Variants in NBN observed in about 807,000 individuals in gnomAD.
The protein encoded by NBN is Nijmegen breakage syndrome 1 (nibrin).
A neutral mutation model predicts 90.8 loss-of-function variants in NBN; 88 were observed. The observed-to-expected ratio is 0.97, with a 90% CI of 0.82 to 1.16. The LOEUF is 1.16. Ranked by LOEUF, NBN falls within the 50% of genes most tolerant of loss-of-function variation. The pLI, the probability that NBN is intolerant of heterozygous loss-of-function variation, is 0.00. For synonymous variants in NBN, 328 were observed against 295.1 expected (o/e 1.11, Z -1.14); for missense variants, 894 against 869.6 (o/e 1.03, Z -0.35).
intron 13 of NBN, among the ~76,000 whole-genome samples, chr8:89,944,088 G>GT (rs1224194744): frequency 6.6e-6 from 1 of 151,756 alleles, no homozygotes; most frequent in Non-Finnish European, 1.5e-5. Context: ...GATTTGGAGG[G>GT]TTTTTTGTTT....
chr8:89,946,194 T>C lies in NBN; in HGVS notation c.2016A>G (p.Pro672=), dbSNP rs1061302. The change falls in exon 13 of 16, where the codon CCA becomes CCG. Residue 672 remains proline, a synonymous_variant. Coordinates refer to ENST00000265433, the MANE Select transcript of NBN (RefSeq NM_002485.5). ...LVIKNSTSRN[P]SGINDDYGQL... is the part of the protein sequence containing the mutation. ...GACCATAATCATCATTTATGCCAGATGGATTTCTGGAAGTAGAGTTTTTAA... is the reference window on the plus strand; with the variant it reads ...GACCATAATCATCATTTATGCCAGACGGATTTCTGGAAGTAGAGTTTTTAA... 525,146 of 1,596,714 alleles carry C rather than the reference T, an allele frequency of 0.33. 88,581 individuals carry two copies. Among genetic ancestry groups the C allele is most frequent in the East Asian group, 0.48 (21,201 of 44,560 alleles).
At chr8:89,954,914 A>C (rs1810624488) in intron 10 of NBN, among the ~76,000 whole-genome samples, 1 of 152,176 alleles carries the variant, frequency 6.6e-6, no homozygotes, top group Admixed American at 6.5e-5. Flanking sequence ...GGGATGATCA[A>C]TATATTCAAA....
chr8:89,953,664 C>T lies in NBN; in HGVS notation c.1425G>A (p.Met475Ile), dbSNP rs1180796619. Reference sequence around the variant, plus strand: ...CTATTCTTGCTGATTTGCATGAAGACATTTCTTGATTTTCTTCATCCCTTT... The same window carrying T: ...CTATTCTTGCTGATTTGCATGAAGATATTTCTTGATTTTCTTCATCCCTTT... ...KRERDEENQE[M>I]SSCKSARIET... The change falls in exon 11 of 16, where the codon ATG becomes ATA. Residue 475 changes from methionine (M) to isoleucine (I), a missense_variant. Met to Ile is a conservative substitution (Grantham distance 10). Transcript: ENST00000265433. 1.2e-6 allele frequency: 2 copies of T among 1,611,514 alleles called. No homozygotes were observed. The highest frequency in any genetic ancestry group is 1.1e-5 in the South Asian group (1 of 90,788).
In NBN at chr8:89,971,262, T is replaced by A; in HGVS notation, c.613A>T (p.Ile205Phe). ...GACAGATCAACATTTTTACTTCCAA[T>A]AGATGGTTCATCAAGAGGTGGGTAA... ...SFYPPLDEPS[I>F]GSKNVDLSGR... The change falls in exon 6 of 16, where the codon ATT (isoleucine) becomes TTT (phenylalanine). Residue 205 changes from isoleucine (I) to phenylalanine (F), a missense_variant. Coordinates refer to ENST00000265433, the MANE Select transcript of NBN (RefSeq NM_002485.5). 6.2e-7 allele frequency: 1 copy of A among 1,613,038 alleles called. No individual in the cohort carries two copies. The highest frequency in any genetic ancestry group is 8.5e-7 in the Non-Finnish European group (1 of 1,179,360).
chr8:89,951,975 T>A (rs1404005782), intron 11 of NBN, among the ~76,000 whole-genome samples: 1 of 152,214 alleles, frequency 6.6e-6, no homozygotes, highest in Non-Finnish European at 1.5e-5. Context: ...AAGTTGGGTT[T>A]CTGAGAAAGC....
At chr8:89,984,300 G>A in intron 1 of NBN, 2 of 610,560 alleles carry the variant, frequency 3.3e-6, no homozygotes, top group Admixed American at 2.7e-5. Context: ...ACTGCCACCA[G>A]GGGGCGCCGC....
At chr8:89,957,247 C>G (rs532171738) in intron 9 of NBN, among the ~76,000 whole-genome samples, 1 of 152,134 alleles carries the variant, frequency 6.6e-6, no homozygotes, top group Non-Finnish European at 1.5e-5. Context: ...GCAATGACTG[C>G]GATGATCCTA....
intron 8 of NBN, among the ~76,000 whole-genome samples, chr8:89,959,320 T>C (rs1810883364): frequency 6.6e-6 from 1 of 152,198 alleles, no homozygotes; most frequent in Admixed American, 6.5e-5. Flanking sequence ...CAGAAAACCA[T>C]AATGATTACC....
intron 5 of NBN, among the ~76,000 whole-genome samples, chr8:89,976,016 C>G (rs773740124): frequency 6.6e-6 from 1 of 151,338 alleles, no homozygotes; most frequent in Non-Finnish European, 1.5e-5. Context: ...CTTTCAACTT[C>G]TTTTTTTTTG....
At chr8:89,982,911 A>T in intron 1 of NBN, 56 bp from the exon 2 acceptor site, 6 of 1,524,478 alleles carry the variant, frequency 3.9e-6, no homozygotes, top group Non-Finnish European at 5.4e-6. Context: ...ACACATGTAC[A>T]CGAACACACA....
chr8:89,955,254 A>C, intron 10 of NBN, 29 bp downstream of exon 10: 6 of 1,603,144 alleles, frequency 3.7e-6, no homozygotes, highest in Non-Finnish European at 5.1e-6. Context: ...TTTTTTTCAG[A>C]GACATGAGAG....
chr8:89,982,550 C>T, intron 2 of NBN, 172 bp downstream of exon 2: 1 of 625,394 alleles, frequency 1.6e-6, no homozygotes, highest in East Asian at 2.8e-5. Context: ...GAACAAATAC[C>T]ACTGGTACCA....
At position 89,935,097 on chromosome 8, in the gene NBN, T is replaced by C. The variant is rs886063165; in HGVS notation, c.*485A>G. The C allele has an allele frequency of 3.0e-5, 7 of 234,018 alleles. No homozygotes were observed. The highest frequency in any genetic ancestry group is 2.2e-5 in the African/African-American group (1 of 45,338). 14.5% of individuals were successfully genotyped at this position (234,018 alleles called of 1,614,324 possible). ...AAACATTATATTGATATTCCTATAA[T>C]TTTTAATCTACTAAGTAAAAAAGCA... On this transcript the variant is annotated 3_prime_UTR_variant, in exon 16 of 16. Coordinates refer to ENST00000265433, the MANE Select transcript of NBN (RefSeq NM_002485.5).
intron 14 of NBN, 102 bp downstream of exon 14, chr8:89,943,151 G>C (rs1810025552): frequency 2.5e-6 from 3 of 1,213,656 alleles, no homozygotes; most frequent in South Asian, 2.5e-5. Flanking sequence ...ATGACTTTAT[G>C]TCACTTATTT....
intron 8 of NBN, among the ~76,000 whole-genome samples, chr8:89,963,333 A>G (rs1030916937): frequency 3.3e-5 from 5 of 152,288 alleles, no homozygotes; most frequent in Admixed American, 2.0e-4. Context: ...GGAGTGTGCA[A>G]TCTGGTAGTG....
At chr8:89,963,586 A>C (rs1811101071) in intron 8 of NBN, among the ~76,000 whole-genome samples, 1 of 152,186 alleles carries the variant, frequency 6.6e-6, no homozygotes, top group African/African-American at 2.4e-5. Flanking sequence ...AAAACTATGG[A>C]AATGTGTTTT....
rs587780555 is a variant in NBN, at chr8:89,953,700, TA to T, written c.1398-10del. 1.7e-4 allele frequency: 267 copies of T among 1,578,636 alleles called. No homozygotes were observed. The highest frequency in any genetic ancestry group is 3.5e-4 in the Admixed American group (20 of 57,684). On this transcript the variant is annotated splice_polypyrimidine_tract_variant and intron_variant, in intron 10 of 15. Transcript: ENST00000265433. Reference sequence around the variant, plus strand: ...TTTCTTCATCCCTTTCCCTTAGATTTAAAAAAAAAGAAGAAAACAAAACAAG... The same window carrying T: ...TTTCTTCATCCCTTTCCCTTAGATTTAAAAAAAAGAAGAAAACAAAACAAG...
At chr8:89,979,886 T>G (rs937269900) in intron 4 of NBN, among the ~76,000 whole-genome samples, 53 of 152,246 alleles carry the variant, frequency 3.5e-4, no homozygotes, top group Admixed American at 3.4e-3. Flanking sequence ...AGCTAGTGTA[T>G]GATTACTTAC....
intron 5 of NBN, among the ~76,000 whole-genome samples, chr8:89,972,378 A>G (rs1002236591): frequency 1.3e-5 from 2 of 152,252 alleles, no homozygotes; most frequent in Non-Finnish European, 2.9e-5. Context: ...GGAAGCTGCA[A>G]TCTCAAATGA....
Sources: gnomAD v4.1 joint callset for allele counts (sites outside exome capture counted in the v4.1 genomes callset) on GRCh38, gnomAD v4.1.1 for gene constraint, MANE v1.5 for transcripts, NCBI Gene and HGNC (gene_info 2026-07-23, HGNC 2026-07-21) for gene names.